Variants in ZMAT4 observed in about 807,000 individuals in gnomAD.
The protein encoded by ZMAT4 is zinc finger matrin-type 4.
ZMAT4 carries 17 observed loss-of-function variants against 28.7 expected under a neutral mutation model. That is an observed-to-expected ratio of 0.59 (90% CI 0.41 to 0.89). The LOEUF (loss-of-function observed/expected upper bound fraction) is 0.89. Among genes scored for constraint, ZMAT4 ranks in the 40% least tolerant of loss-of-function variants. ZMAT4 has a pLI of 0.00. For synonymous variants in ZMAT4, 117 were observed against 109.2 expected, an observed-to-expected ratio of 1.07 and a Z score of -0.44; for missense variants, 240 against 283.8, an observed-to-expected ratio of 0.85 and a Z score of 1.11.
chr8:40,682,191 ATAT>A (rs1241266512), intron 4 of ZMAT4, among the ~76,000 whole-genome samples: 1 of 152,196 alleles, frequency 6.6e-6, no homozygotes, highest in African/African-American at 2.4e-5. Flanking sequence ...TTTACCATTT[ATAT>A]ATAGGCCACA....
At chr8:40,864,713 A>G (rs185132362) in intron 1 of ZMAT4, among the ~76,000 whole-genome samples, 253 of 152,314 alleles carry the variant, frequency 1.7e-3, no homozygotes, top group Middle Eastern at 6.8e-3. Context: ...ATTTTTATGC[A>G]CTGTGATGGT....
intron 1 of ZMAT4, among the ~76,000 whole-genome samples, chr8:40,865,542 G>A (rs1369003909): frequency 1.3e-5 from 2 of 152,156 alleles, no homozygotes; most frequent in Non-Finnish European, 2.9e-5. Context: ...GATGGACAAT[G>A]ACCATCAACA....
intron 5 of ZMAT4, among the ~76,000 whole-genome samples, chr8:40,661,837 T>C (rs187033255): frequency 2.6e-5 from 4 of 152,256 alleles, no homozygotes; most frequent in Admixed American, 1.3e-4. Flanking sequence ...AACTAAACAA[T>C]AGAGATATTT....
chr8:40,793,562 T>TG (rs1563488356), intron 2 of ZMAT4, among the ~76,000 whole-genome samples: 1 of 152,234 alleles, frequency 6.6e-6, no homozygotes, highest in Admixed American at 6.5e-5. Flanking sequence ...ATTTTCCATT[T>TG]GGGGGTGTTT....
chr8:40,778,955 A>G (rs1243252515), intron 2 of ZMAT4, among the ~76,000 whole-genome samples: 1 of 152,206 alleles, frequency 6.6e-6, no homozygotes. Context: ...ACCTGGCTAG[A>G]GAAGCTGGAT....
chr8:40,671,257 T>C (rs1391762344), intron 5 of ZMAT4, among the ~76,000 whole-genome samples: 1 of 152,154 alleles, frequency 6.6e-6, no homozygotes, highest in East Asian at 1.9e-4. Context: ...CTATTTTAGA[T>C]TTTGGCAGTT....
At chr8:40,720,162 T>C (rs1420930743) in intron 3 of ZMAT4, among the ~76,000 whole-genome samples, 1 of 152,226 alleles carries the variant, frequency 6.6e-6, no homozygotes, top group Non-Finnish European at 1.5e-5. Flanking sequence ...AGAAATTTGT[T>C]TGAAAACATC....
intron 4 of ZMAT4, among the ~76,000 whole-genome samples, chr8:40,680,376 A>G (rs1419742343): frequency 6.6e-6 from 1 of 152,070 alleles, no homozygotes; most frequent in Non-Finnish European, 1.5e-5. Flanking sequence ...GCAAATTGAA[A>G]TTGGTCACCC....
At chr8:40,851,693 A>G (rs1279018574) in intron 1 of ZMAT4, among the ~76,000 whole-genome samples, 4 of 152,200 alleles carry the variant, frequency 2.6e-5, no homozygotes, top group African/African-American at 9.6e-5. Flanking sequence ...GGTAATTACC[A>G]TACATACATA....
intron 2 of ZMAT4, among the ~76,000 whole-genome samples, chr8:40,819,814 G>A (rs1037885322): frequency 8.6e-5 from 13 of 151,996 alleles, no homozygotes; most frequent in Admixed American, 5.9e-4. Context: ...TTGGCTGTGT[G>A]TGTGTTTATG....
At position 40,674,740 on chromosome 8, in the gene ZMAT4, G is replaced by C; in HGVS notation, c.541C>G (p.Gln181Glu). 5 of 1,613,904 alleles carry C rather than the reference G, an allele frequency of 3.1e-6. No individual in the cohort carries two copies. Among genetic ancestry groups the C allele is most frequent in the Non-Finnish European group, 4.2e-6 (5 of 1,179,876 alleles). ...KNAARVALLE[Q>E]LGTTLDMGEL... is the part of the protein sequence containing the mutation. ...CCCATATCCAGGGTTGTCCCCAGTT[G>C]TTCTAACAAAGCAACTCTTGCCGCA... Residue 181 changes from glutamine to glutamate, a missense_variant, in exon 5 of 7, where the codon CAA becomes GAA. Gln to Glu is a conservative substitution (Grantham distance 29). Coordinates refer to ENST00000297737, the MANE Select transcript of ZMAT4 (RefSeq NM_024645.3).
At chr8:40,621,046 A>G (rs1806181222) in intron 5 of ZMAT4, among the ~76,000 whole-genome samples, 1 of 152,214 alleles carries the variant, frequency 6.6e-6, no homozygotes, top group Admixed American at 6.5e-5. Context: ...TTTATTAGAG[A>G]AGTGGCATCC....
At chr8:40,586,591 T>C (rs913695151) in intron 5 of ZMAT4, among the ~76,000 whole-genome samples, 2 of 152,206 alleles carry the variant, frequency 1.3e-5, no homozygotes, top group African/African-American at 4.8e-5. Flanking sequence ...TGTATTTATA[T>C]TTCCTAGCAC....
chr8:40,595,282 T>C (rs1805051586), intron 5 of ZMAT4, among the ~76,000 whole-genome samples: 1 of 152,106 alleles, frequency 6.6e-6, no homozygotes, highest in Non-Finnish European at 1.5e-5. Flanking sequence ...CAGACTGATC[T>C]CCCAGTAGAC....
chr8:40,622,729 C>G (rs1438918113), intron 5 of ZMAT4, among the ~76,000 whole-genome samples: 1 of 152,194 alleles, frequency 6.6e-6, no homozygotes, highest in African/African-American at 2.4e-5. Flanking sequence ...TGGTGTGTCA[C>G]ATGGTGACAG....
intron 2 of ZMAT4, among the ~76,000 whole-genome samples, chr8:40,790,874 C>T (rs927426230): frequency 3.3e-5 from 5 of 152,188 alleles, no homozygotes; most frequent in African/African-American, 4.8e-5. Context: ...ACACTACCTG[C>T]TTCAAGATTA....
At chr8:40,868,279 G>A (rs1483209559) in intron 1 of ZMAT4, among the ~76,000 whole-genome samples, 1 of 152,132 alleles carries the variant, frequency 6.6e-6, no homozygotes, top group African/African-American at 2.4e-5. Flanking sequence ...AGGAGACAGA[G>A]TGCTGTGCGG....
At chr8:40,885,595 G>A (rs1221207236) in intron 1 of ZMAT4, among the ~76,000 whole-genome samples, 1 of 152,202 alleles carries the variant, frequency 6.6e-6, no homozygotes, top group East Asian at 1.9e-4. Context: ...CACAGTCATA[G>A]CTCACTGCAG....
At chr8:40,882,817 A>T (rs1818327691) in intron 1 of ZMAT4, among the ~76,000 whole-genome samples, 1 of 152,124 alleles carries the variant, frequency 6.6e-6, no homozygotes. Flanking sequence ...CTTGGATTAG[A>T]TCAACTTCGG....
Sources: allele counts gnomAD v4.1 joint callset (sites outside exome capture counted in the v4.1 genomes callset), GRCh38; gene constraint gnomAD v4.1.1; transcripts MANE v1.5; gene names NCBI Gene and HGNC (gene_info 2026-07-23, HGNC 2026-07-21).